The following SEMA5B variants were observed in gnomAD, a reference collection of about 807,000 sequenced individuals.
SEMA5B encodes semaphorin 5B.
In SEMA5B, 66 loss-of-function variants were observed where a neutral mutation model predicts 135.0. The observed-to-expected ratio is 0.49, with a 90% CI of 0.40 to 0.60. The LOEUF (loss-of-function observed/expected upper bound fraction) is 0.60. Ranked by LOEUF, SEMA5B falls within the 20% of genes least tolerant of loss-of-function variation. SEMA5B has a pLI of 0.00. For synonymous variants in SEMA5B, 690 were observed against 639.5 expected, an observed-to-expected ratio of 1.08 and a Z score of -1.19; for missense variants, 1,501 against 1,566.3, an observed-to-expected ratio of 0.96 and a Z score of 0.70.
At chr3:122,983,716 C>CAAAAAAAAAAAAA (rs57975297) in intron 1 of SEMA5B, among the ~76,000 whole-genome samples, 1 of 53,432 alleles carries the variant, frequency 1.9e-5, no homozygotes, top group African/African-American at 6.2e-5. Flanking sequence ...AGACTCGTCT[C>CAAAAAAAAAAAAA]AAAAAAAAAA....
chr3:122,968,316 C>G (rs1467860429), intron 1 of SEMA5B, among the ~76,000 whole-genome samples: 1 of 152,196 alleles, frequency 6.6e-6, no homozygotes, highest in Non-Finnish European at 1.5e-5. Context: ...CTGCTTTATT[C>G]TCCTCTGGAC....
intron 2 of SEMA5B, among the ~76,000 whole-genome samples, chr3:122,955,731 G>C (rs1057421172): frequency 6.6e-6 from 1 of 152,222 alleles, no homozygotes; most frequent in Admixed American, 6.5e-5. Flanking sequence ...CTTGCTTAGA[G>C]AGACTGCTTT....
At position 123,017,236 on chromosome 3, in the gene SEMA5B, C is replaced by T. The variant is rs148167554; in HGVS notation, c.-39+10228G>A. 5.2e-3 allele frequency among the ~76,000 whole-genome samples: 791 copies of T among 152,166 alleles called. 9 individuals carry two copies. The highest frequency in any genetic ancestry group is 0.018 in the African/African-American group (751 of 41,494). On this transcript the variant is annotated intron_variant, in intron 1 of 22. Coordinates refer to ENST00000357599, the MANE Select transcript of SEMA5B (RefSeq NM_001031702.4). ...TTCAATCCAAGTTTGGTTGAATCCT[C>T]ACATGGATTCCACAGATACAGAGGG...
intron 4 of SEMA5B, 65 bp downstream of exon 4, chr3:122,943,371 A>C (rs544133729): frequency 2.6e-5 from 30 of 1,168,422 alleles, no homozygotes; most frequent in Non-Finnish European, 3.5e-5. Context: ...CATCCTGAAT[A>C]ATATTCCCTC....
At chr3:122,986,976 G>C (rs545195778) in intron 1 of SEMA5B, among the ~76,000 whole-genome samples, 2 of 152,142 alleles carry the variant, frequency 1.3e-5, no homozygotes, top group Non-Finnish European at 2.9e-5. Flanking sequence ...ACAGAGAGGT[G>C]GGGGAAGGGA....
In SEMA5B at chr3:122,911,484, C is replaced by A. The variant is rs375345782; in HGVS notation, c.3091+7G>T. On this transcript the variant is annotated splice_region_variant and intron_variant, in intron 21 of 22. Transcript: ENST00000357599. ...CCGCAGCATGAGGTAGGTCCGGTTT[C>A]TTTTACCTGCACAGTCGGTGGCCTC... The A allele has an allele frequency of 5.0e-5, 81 of 1,605,598 alleles. No homozygotes were observed. Among genetic ancestry groups the A allele is most frequent in the Non-Finnish European group, 6.1e-5 (72 of 1,176,944 alleles).
Position 123,020,143 on chromosome 3 carries a change from T to C in SEMA5B, c.-39+7321A>G, listed in dbSNP as rs1169267636. On this transcript the variant is annotated intron_variant, in intron 1 of 22. Coordinates refer to ENST00000357599, the MANE Select transcript of SEMA5B (RefSeq NM_001031702.4). ...AAGATTAATGTGCAAGGATGTTCACTGCAGCATTATTTATAATAGTGAAAA... is the reference window on the plus strand; with the variant it reads ...AAGATTAATGTGCAAGGATGTTCACCGCAGCATTATTTATAATAGTGAAAA... Among the ~76,000 whole-genome samples the C allele has an allele frequency of 2.6e-5, 4 of 152,366 alleles. No homozygotes were observed. In the South Asian group the frequency reaches 6.2e-4, roughly 24 times the overall value.
chr3:122,999,745 A>G (rs1942125511), intron 1 of SEMA5B, among the ~76,000 whole-genome samples: 1 of 152,226 alleles, frequency 6.6e-6, no homozygotes, highest in South Asian at 2.1e-4. Flanking sequence ...ATCTGGTTCC[A>G]CGCTGATACT....
At chr3:122,917,560 C>T (rs1458474697) in intron 12 of SEMA5B, among the ~76,000 whole-genome samples, 1 of 152,048 alleles carries the variant, frequency 6.6e-6, no homozygotes. Flanking sequence ...TGTCAGGCCC[C>T]AGAGAAAAAT....
intron 1 of SEMA5B, among the ~76,000 whole-genome samples, chr3:123,024,683 T>C (rs950827862): frequency 1.3e-5 from 2 of 152,082 alleles, no homozygotes; most frequent in African/African-American, 4.8e-5. Flanking sequence ...AGGTCAGAGG[T>C]AGAACCAGGC....
At chr3:123,005,243 A>G (rs1381816021) in intron 1 of SEMA5B, among the ~76,000 whole-genome samples, 1 of 152,184 alleles carries the variant, frequency 6.6e-6, no homozygotes. Flanking sequence ...CCAGCCAGAA[A>G]GGACATTATC....
chr3:123,019,429 A>G (rs946959657), intron 1 of SEMA5B, among the ~76,000 whole-genome samples: 5 of 152,218 alleles, frequency 3.3e-5, no homozygotes, highest in Admixed American at 3.3e-4. Context: ...TCTCTACATG[A>G]AACACAAAAG....
intron 2 of SEMA5B, among the ~76,000 whole-genome samples, chr3:122,956,796 T>G (rs1353353117): frequency 2.0e-5 from 3 of 152,044 alleles, no homozygotes; most frequent in African/African-American, 7.3e-5. Context: ...GCAAGACAGA[T>G]GCATGGGTAG....
At chr3:123,012,813 C>T (rs540481902) in intron 1 of SEMA5B, among the ~76,000 whole-genome samples, 1 of 152,350 alleles carries the variant, frequency 6.6e-6, no homozygotes, top group South Asian at 2.1e-4. Flanking sequence ...TCCAGCCAGG[C>T]CACACCAGAA....
intron 12 of SEMA5B, among the ~76,000 whole-genome samples, chr3:122,920,727 G>A (rs1355440624): frequency 6.6e-6 from 1 of 152,192 alleles, no homozygotes; most frequent in Non-Finnish European, 1.5e-5. Context: ...TGGAGCCCCA[G>A]GTGTGTCTGG....
chr3:122,931,820 A>T (rs1938987760), intron 5 of SEMA5B, among the ~76,000 whole-genome samples: 1 of 152,138 alleles, frequency 6.6e-6, no homozygotes, highest in African/African-American at 2.4e-5. Flanking sequence ...ATACCAAAAG[A>T]TGCCTACAGG....
chr3:123,016,317 T>C (rs1421866711), intron 1 of SEMA5B, among the ~76,000 whole-genome samples: 1 of 152,218 alleles, frequency 6.6e-6, no homozygotes, highest in Non-Finnish European at 1.5e-5. Context: ...TCCCTAAGTA[T>C]ACCTGGGGGA....
At chr3:122,935,189 T>C (rs940351792) in intron 5 of SEMA5B, among the ~76,000 whole-genome samples, 2 of 152,212 alleles carry the variant, frequency 1.3e-5, no homozygotes, top group Non-Finnish European at 2.9e-5. Context: ...GGGCTTCTTG[T>C]AGGGTGCTGG....
At chr3:122,975,956 C>A (rs895432985) in intron 1 of SEMA5B, 94 of 1,533,484 alleles carry the variant, frequency 6.1e-5, no homozygotes, top group Admixed American at 2.8e-4. Flanking sequence ...ACCTCCTCAA[C>A]ACATCCCAAA....
Sources: gnomAD v4.1 joint callset for allele counts (sites outside exome capture counted in the v4.1 genomes callset) on GRCh38, gnomAD v4.1.1 for gene constraint, MANE v1.5 for transcripts, NCBI Gene and HGNC (gene_info 2026-07-23, HGNC 2026-07-21) for gene names.